The following DOCK2 variants were observed in gnomAD, a reference collection of about 807,000 sequenced individuals.
DOCK2 encodes dedicator of cytokinesis protein 2.
Under a neutral mutation model 248.9 loss-of-function variants are expected in DOCK2, and 87 were observed. The observed-to-expected ratio is 0.35, with a 90% CI of 0.29 to 0.42. The LOEUF (loss-of-function observed/expected upper bound fraction) is 0.42. DOCK2 is among the 10% of genes least tolerant of loss of function. DOCK2 has a pLI of 1.00. For missense variants in DOCK2, 1,747 were observed against 2,300.2 expected (o/e 0.76, Z 4.92); for synonymous variants, 805 against 821.6 (o/e 0.98, Z 0.35).
intron 27 of DOCK2, among the ~76,000 whole-genome samples, chr5:169,937,290 C>T (rs1561837785): frequency 6.6e-6 from 1 of 152,130 alleles, no homozygotes; most frequent in Non-Finnish European, 1.5e-5. Flanking sequence ...AAAATCTGAC[C>T]CTTTGAGAAC....
At chr5:170,045,105 T>C (rs2113847476) in intron 38 of DOCK2, among the ~76,000 whole-genome samples, 1 of 152,322 alleles carries the variant, frequency 6.6e-6, no homozygotes, top group South Asian at 2.1e-4. Flanking sequence ...CTTAATTTTT[T>C]TTTAATATTC....
In DOCK2 at chr5:169,996,118, A is replaced by G. The variant is rs1479571942; in HGVS notation, c.3026A>G (p.Glu1009Gly). Residue 1009 changes from glutamate (E) to glycine (G), a missense_variant, in exon 30 of 52, where the codon GAA (glutamate) becomes GGA (glycine). Glu to Gly is a moderately conservative substitution (Grantham distance 98). Around this residue, in one of 4 missense-constraint regions of DOCK2, gnomAD observed 858 missense variants for 1,183.5 expected, o/e 0.72. Transcript: ENST00000520908. The part of the protein sequence containing the change: ...VFLRAINKFA[E>G]TMNQKFLEHT... ...CTGAGAGCTATCAACAAGTTTGCAG[A>G]AACCATGAACCAGAAGTTCCTAGAA... The G allele has an allele frequency of 6.2e-7, 1 of 1,613,946 alleles. No homozygotes were observed. The highest frequency in any genetic ancestry group is 1.7e-5 in the Admixed American group (1 of 60,006).
rs1772761590 is a variant in DOCK2, at chr5:169,883,142, C to T, written c.2799+42290C>T. 2 of 1,551,618 alleles carry T rather than the reference C, an allele frequency of 1.3e-6. No individual in the cohort carries two copies. Among genetic ancestry groups the T allele is most frequent in the South Asian group, 2.4e-5 (2 of 84,046 alleles). On this transcript the variant is annotated intron_variant, in intron 27 of 51. Coordinates refer to ENST00000520908, the MANE Select transcript of DOCK2 (RefSeq NM_004946.3). ...GCATTTAAGCAGGAGGTGGATTTTT[C>T]TGAATCTAGTGGAGTCACCCTTCTC...
At chr5:169,884,736 G>A (rs17560405) in intron 27 of DOCK2, 8,789 of 152,486 alleles carry the variant, frequency 0.058, 333 homozygotes, top group Non-Finnish European at 0.086. Context: ...CAGCCTCCAT[G>A]ATGATGTATG....
intron 27 of DOCK2, among the ~76,000 whole-genome samples, chr5:169,930,952 C>A (rs1775721920): frequency 1.3e-5 from 2 of 152,178 alleles, no homozygotes; most frequent in Non-Finnish European, 2.9e-5. Context: ...ATGGGCCAGT[C>A]CCTTTTACAA....
At chr5:169,731,539 C>T (rs765874606) in intron 22 of DOCK2, among the ~76,000 whole-genome samples, 15 of 152,192 alleles carry the variant, frequency 9.9e-5, no homozygotes, top group Middle Eastern at 3.4e-3. Flanking sequence ...GGCCTAGTCT[C>T]GGCTATGTCT....
At chr5:169,848,334 A>T (rs1243665307) in intron 27 of DOCK2, among the ~76,000 whole-genome samples, 1 of 152,226 alleles carries the variant, frequency 6.6e-6, no homozygotes, top group Non-Finnish European at 1.5e-5. Flanking sequence ...AATAAGCAGG[A>T]TGTGAACCAG....
intron 27 of DOCK2, chr5:169,884,389 T>C (rs1308725412): frequency 6.5e-6 from 1 of 152,782 alleles, no homozygotes; most frequent in Non-Finnish European, 1.5e-5. Context: ...ATTTCCAGGG[T>C]GAAACTGCAG....
chr5:169,883,102 C>T (rs1051973868), intron 27 of DOCK2: 2 of 1,551,634 alleles, frequency 1.3e-6, no homozygotes, highest in Admixed American at 3.9e-5. Context: ...TGGTGTGTGG[C>T]TGGCAACGCT....
At chr5:169,727,834 G>T (rs1054839212) in intron 22 of DOCK2, among the ~76,000 whole-genome samples, 2 of 152,068 alleles carry the variant, frequency 1.3e-5, no homozygotes, top group African/African-American at 4.8e-5. Flanking sequence ...TGCTTTTGGC[G>T]GTGGGGAGCC....
At chr5:170,080,128 GT>G in intron 49 of DOCK2, 34 bp from the exon 50 acceptor site, 1 of 1,207,390 alleles carries the variant, frequency 8.3e-7, no homozygotes, top group African/African-American at 1.6e-5. Flanking sequence ...CTCTGTCTTT[GT>G]GTGTGTGTGT....
chr5:170,026,689 T>C (rs745686419), intron 33 of DOCK2, among the ~76,000 whole-genome samples: 6 of 152,192 alleles, frequency 3.9e-5, no homozygotes, highest in Non-Finnish European at 8.8e-5. Context: ...AAACAATGCG[T>C]TGAATAAGCC....
At chr5:169,883,856 G>A (rs1033543210) in intron 27 of DOCK2, 5 of 1,531,384 alleles carry the variant, frequency 3.3e-6, no homozygotes, top group Non-Finnish European at 4.4e-6. Flanking sequence ...AGACTGTTAC[G>A]CTTTAGAAGC....
At chr5:169,788,662 G>A (rs1330884638) in intron 25 of DOCK2, among the ~76,000 whole-genome samples, 2 of 152,016 alleles carry the variant, frequency 1.3e-5, no homozygotes, top group Non-Finnish European at 2.9e-5. Context: ...TTTTCCATTG[G>A]GATGTCATCT....
intron 37 of DOCK2, among the ~76,000 whole-genome samples, chr5:170,041,364 G>A (rs893764006): frequency 2.9e-4 from 44 of 152,072 alleles, no homozygotes; most frequent in South Asian, 2.1e-4. Context: ...ACCCCTCTTC[G>A]AGATACATTT....
At chr5:169,719,386 C>A (rs1381556825) in intron 22 of DOCK2, among the ~76,000 whole-genome samples, 3 of 152,210 alleles carry the variant, frequency 2.0e-5, no homozygotes, top group East Asian at 3.9e-4. Context: ...GGCCATAGGG[C>A]AAAGTTAGGT....
chr5:169,948,443 C>T (rs1041023827), intron 27 of DOCK2, among the ~76,000 whole-genome samples: 1 of 152,072 alleles, frequency 6.6e-6, no homozygotes, highest in African/African-American at 2.4e-5. Flanking sequence ...TCTCTGTCCA[C>T]TCATTCATTC....
intron 27 of DOCK2, chr5:169,980,316 T>A (rs1469981733): frequency 6.6e-6 from 1 of 152,238 alleles, no homozygotes; most frequent in African/African-American, 2.4e-5. Context: ...TGGTCCCCCT[T>A]CCTTGCACAA....
At chr5:169,871,119 C>G (rs75935572) in intron 27 of DOCK2, among the ~76,000 whole-genome samples, 2,731 of 152,212 alleles carry the variant, frequency 0.018, 86 homozygotes, top group African/African-American at 0.063. Flanking sequence ...AAGTTCATGA[C>G]CTAATCACCT....
Sources: gnomAD v4.1 joint callset for allele counts (sites outside exome capture counted in the v4.1 genomes callset) on GRCh38, gnomAD v4.1.1 for gene constraint, gnomAD v4.1.1 regional missense constraint, MANE v1.5 for transcripts, NCBI Gene and HGNC (gene_info 2026-07-23, HGNC 2026-07-21) for gene names.